Variants in IDH3B observed in about 807,000 individuals in gnomAD.
IDH3B encodes isocitrate dehydrogenase [NAD] subunit beta, mitochondrial.
IDH3B carries 40 observed loss-of-function variants against 47.5 expected under a neutral mutation model. The ratio of observed to expected loss-of-function variants is 0.84; its 90% CI spans 0.65 to 1.10. The LOEUF (loss-of-function observed/expected upper bound fraction) is 1.10. Ranked by LOEUF, IDH3B falls within the 50% of genes least tolerant of loss-of-function variation. IDH3B has a pLI of 0.00. For missense variants in IDH3B, 450 were observed against 505.2 expected, an observed-to-expected ratio of 0.89 and a Z score of 1.05; for synonymous variants, 185 against 191.0, an observed-to-expected ratio of 0.97 and a Z score of 0.26.
Position 2,664,167 on chromosome 20 carries a change from G to T in IDH3B, c.22C>A (p.Arg8Ser), listed in dbSNP as rs554271438. MAALSGV[R>S]WLTRALVSAG... ...CGGGGCCTCACTCGGGTCAGCCAGCGGACTCCGCTCAATGCCGCCATGTTT... is the reference window on the plus strand; with the variant it reads ...CGGGGCCTCACTCGGGTCAGCCAGCTGACTCCGCTCAATGCCGCCATGTTT... Residue 8 changes from arginine (R) to serine (S), a missense_variant, in exon 1 of 12, where the codon CGC becomes AGC. By Grantham distance (110) the Arg-to-Ser change is moderately radical. Coordinates refer to ENST00000380843, the MANE Select transcript of IDH3B (RefSeq NM_006899.5). 5 of 1,613,624 alleles carry T rather than the reference G, an allele frequency of 3.1e-6. No individual in the cohort carries two copies. The highest frequency in any genetic ancestry group is 1.1e-5 in the South Asian group (1 of 90,952).
Position 2,663,764 on chromosome 20 carries a change from T to A in IDH3B, c.118-6A>T, listed in dbSNP as rs532273295. ...TCCACCCTCACGTCCTCGGCCTCAA[T>A]TGGGGGAAGAGGGGAGAAGTAAAGA... is the stretch of plus-strand genomic sequence containing the variant. On this transcript the variant is annotated splice_polypyrimidine_tract_variant and splice_region_variant and intron_variant, in intron 2 of 11. Coordinates refer to ENST00000380843, the MANE Select transcript of IDH3B (RefSeq NM_006899.5). The A allele has an allele frequency of 6.2e-7, 1 of 1,613,424 alleles. No individual in the cohort carries two copies. The highest frequency in any genetic ancestry group is 1.7e-5 in the Admixed American group (1 of 59,986).
intron 4 of IDH3B, 67 bp from the exon 5 acceptor site, chr20:2,661,036 T>A: frequency 2.2e-6 from 3 of 1,339,366 alleles, no homozygotes; most frequent in Non-Finnish European, 2.1e-6. Flanking sequence ...CAGACCAGTG[T>A]CTAACCCCCT....
At chr20:2,662,746 A>G (rs537163496) in intron 4 of IDH3B, among the ~76,000 whole-genome samples, 1 of 152,278 alleles carries the variant, frequency 6.6e-6, no homozygotes, top group South Asian at 2.1e-4. Flanking sequence ...CAAGGTCAGG[A>G]GTTCGAGACC....
rs756148496 is a variant in IDH3B, at chr20:2,660,463, T to C, written c.659A>G (p.Asn220Ser). Residue 220 changes from asparagine to serine, a missense_variant, in exon 7 of 12, where the codon AAC (asparagine) becomes AGC (serine). Physicochemically the swap from Asn to Ser is conservative, Grantham distance 46. Coordinates refer to ENST00000380843, the MANE Select transcript of IDH3B (RefSeq NM_006899.5). The surrounding 1 kb of genome is among the most constrained non-coding windows in gnomAD (Gnocchi z 5.6). ...RGKVTAVHKANIMKLGDGLFL... is the reference protein window; with the variant it reads ...RGKVTAVHKASIMKLGDGLFL... ...ACAAAGCCATGCCCCTCACATGATG[T>C]TGGCCTTGTGGACAGCAGTGACCTT... The C allele has an allele frequency of 6.2e-7, 1 of 1,614,044 alleles. No individual in the cohort carries two copies. Among genetic ancestry groups the C allele is most frequent in the Non-Finnish European group, 8.5e-7 (1 of 1,180,000 alleles).
intron 4 of IDH3B, among the ~76,000 whole-genome samples, chr20:2,661,353 C>T (rs547667432): frequency 6.6e-6 from 1 of 152,214 alleles, no homozygotes; most frequent in East Asian, 1.9e-4. Flanking sequence ...TGTGCCACCA[C>T]ACCTGGCTAA....
rs1160631961 is a variant in IDH3B at position 2,659,587 on chromosome 20, T to C, written c.1011-2A>G. The C allele has an allele frequency of 6.2e-7, 1 of 1,614,188 alleles. No individual in the cohort carries two copies. Among genetic ancestry groups the C allele is most frequent in the Non-Finnish European group, 8.5e-7 (1 of 1,179,988 alleles). ...ATCATGCTGGAGTGATACTCAAGAC[T>C]GTGGATATGGACAGGAAGAAACTGT... is the stretch of plus-strand genomic sequence containing the variant. On this transcript the variant is annotated splice_acceptor_variant, in intron 10 of 11. Coordinates refer to ENST00000380843, the MANE Select transcript of IDH3B (RefSeq NM_006899.5). LOFTEE classifies it high-confidence loss of function.
At chr20:2,663,834 G>C in intron 2 of IDH3B, 76 bp from the exon 3 acceptor site, 1 of 1,591,602 alleles carries the variant, frequency 6.3e-7, no homozygotes, top group Non-Finnish European at 8.6e-7. Context: ...GAGAAGTAGG[G>C]AGACCCGGGA....
At position 2,658,646 on chromosome 20, in the gene IDH3B, G is replaced by A. The variant is rs1195703156; in HGVS notation, c.*105C>T. The A allele has an allele frequency of 1.9e-6, 3 of 1,613,914 alleles. No individual in the cohort carries two copies. Among genetic ancestry groups the A allele is most frequent in the Non-Finnish European group, 2.5e-6 (3 of 1,179,850 alleles). On this transcript the variant is annotated 3_prime_UTR_variant, in exon 12 of 12. Coordinates refer to ENST00000380843, the MANE Select transcript of IDH3B (RefSeq NM_006899.5). The stretch of plus-strand genomic sequence containing the variant: ...GACAACCTAGGCTCTACCCAGCAAG[G>A]TGACCATGGTCCACTGCTTAGAGGC...
Position 2,660,664 on chromosome 20 carries a change from A to T in IDH3B, c.531+33T>A, listed in dbSNP as rs2086929173. 6.2e-7 allele frequency: 1 copy of T among 1,613,982 alleles called. No homozygotes were observed. Among genetic ancestry groups the T allele is most frequent in the Non-Finnish European group, 8.5e-7 (1 of 1,179,978 alleles). On this transcript the variant is annotated intron_variant, in intron 6 of 11. Coordinates refer to ENST00000380843, the MANE Select transcript of IDH3B (RefSeq NM_006899.5). This position sits in a 1 kb window ranked among gnomAD's most constrained non-coding sequence, Gnocchi z 5.6. The stretch of plus-strand genomic sequence containing the variant: ...GGAGCTCCACCTCTCTCCCATCTTC[A>T]TCCTTGCCCTCCCCCAGTTTCTGGG...
rs1459443030 is a variant in IDH3B at position 2,660,900 on chromosome 20, A to G, written c.398+9T>C. The G allele has an allele frequency of 6.2e-7, 1 of 1,614,120 alleles. No individual in the cohort carries two copies. Among genetic ancestry groups the G allele is most frequent in the Admixed American group, 1.7e-5 (1 of 60,010 alleles). ...CCTCTCAACCATTCACCCCACCCAG[A>G]CCACCTACCTCAGCCGCATATCATA... is the stretch of plus-strand genomic sequence containing the variant. On this transcript the variant is annotated intron_variant, in intron 5 of 11. Coordinates refer to ENST00000380843, the MANE Select transcript of IDH3B (RefSeq NM_006899.5). This position sits in a 1 kb window ranked among gnomAD's most constrained non-coding sequence, Gnocchi z 5.6.
At position 2,660,612 on chromosome 20, in the gene IDH3B, G is replaced by A; in HGVS notation, c.532-22C>T. The A allele has an allele frequency of 6.2e-7, 1 of 1,614,110 alleles. No homozygotes were observed. The highest frequency in any genetic ancestry group is 8.5e-7 in the Non-Finnish European group (1 of 1,180,024). ...CACTCTGGGTAAGAAGAAAGCAGCAGCTAGGTGACACTGGGAAGGGAAACA... is the reference window on the plus strand; with the variant it reads ...CACTCTGGGTAAGAAGAAAGCAGCAACTAGGTGACACTGGGAAGGGAAACA... On this transcript the variant is annotated intron_variant, in intron 6 of 11. Coordinates refer to ENST00000380843, the MANE Select transcript of IDH3B (RefSeq NM_006899.5). The surrounding 1 kb of genome is among the most constrained non-coding windows in gnomAD (Gnocchi z 5.6).
intron 4 of IDH3B, among the ~76,000 whole-genome samples, chr20:2,662,972 C>T (rs1049783273): frequency 4.7e-5 from 7 of 150,446 alleles, no homozygotes; most frequent in Admixed American, 1.3e-4. Context: ...AAAACAAACA[C>T]AAAAATTAGC....
rs1378393982 is a variant in IDH3B, at chr20:2,660,491, C to G, written c.631G>C (p.Gly211Arg). The G allele has an allele frequency of 6.2e-7, 1 of 1,614,038 alleles. No homozygotes were observed. Among genetic ancestry groups the G allele is most frequent in the Non-Finnish European group, 8.5e-7 (1 of 1,180,014 alleles). The change falls in exon 7 of 12, where the codon GGC becomes CGC. Residue 211 changes from glycine (G) to arginine (R), a missense_variant. By Grantham distance (125) the Gly-to-Arg change is moderately radical. Coordinates refer to ENST00000380843, the MANE Select transcript of IDH3B (RefSeq NM_006899.5). The surrounding 1 kb of genome is among the most constrained non-coding windows in gnomAD (Gnocchi z 5.6). ...AFDYATKKGR[G>R]KVTAVHKANI... ...GCCTTGTGGACAGCAGTGACCTTGC[C>G]CCGCCCCTTCTTGGTGGCATAGTCA...
chr20:2,659,725 C>T lies in IDH3B; in HGVS notation c.984G>A (p.Ser328=), dbSNP rs746670238. The change falls in exon 10 of 12, where the codon TCG becomes TCA. Residue 328 remains serine, a synonymous_variant. Transcript: ENST00000380843. Reference sequence around the variant, plus strand: ...TAAGATGCCGCAGCATGTTGGAAGCCGACAGCAGCATGGCCGTGGGATTGG... The same window carrying T: ...TAAGATGCCGCAGCATGTTGGAAGCTGACAGCAGCATGGCCGTGGGATTGG... ...NIANPTAMLL[S]ASNMLRHLNL... 2.5e-5 allele frequency: 40 copies of T among 1,614,056 alleles called. No homozygotes were observed. Among genetic ancestry groups the T allele is most frequent in the Middle Eastern group, 1.6e-4 (1 of 6,084 alleles).
intron 11 of IDH3B, 39 bp downstream of exon 11, chr20:2,659,486 C>T: frequency 5.0e-6 from 8 of 1,605,486 alleles, no homozygotes; most frequent in Non-Finnish European, 6.8e-6. Context: ...ACCAGAACTA[C>T]TCTAAATCCT....
At chr20:2,662,967 A>C (rs934107146) in intron 4 of IDH3B, among the ~76,000 whole-genome samples, 17 of 150,906 alleles carry the variant, frequency 1.1e-4, no homozygotes, top group African/African-American at 3.9e-4. Flanking sequence ...AAAACAAAAC[A>C]AACACAAAAA....
intron 11 of IDH3B, 39 bp from the exon 12 acceptor site, chr20:2,658,876 A>G (rs1568546414): frequency 1.2e-6 from 2 of 1,613,524 alleles, no homozygotes; most frequent in Non-Finnish European, 8.5e-7. Context: ...GGAGGGAGAA[A>G]AGAGAGCCCA....
chr20:2,658,547 C>T lies in IDH3B; in HGVS notation c.*204G>A. 2 of 1,613,592 alleles carry T rather than the reference C, an allele frequency of 1.2e-6. No homozygotes were observed. The highest frequency in any genetic ancestry group is 1.7e-6 in the Non-Finnish European group (2 of 1,179,792). On this transcript the variant is annotated 3_prime_UTR_variant, in exon 12 of 12. Coordinates refer to ENST00000380843, the MANE Select transcript of IDH3B (RefSeq NM_006899.5). ...CCTGTGGGGGAGAATCATCATCATCCATGTGGCCTGGGCTCCATCCTAACA... is the reference window on the plus strand; with the variant it reads ...CCTGTGGGGGAGAATCATCATCATCTATGTGGCCTGGGCTCCATCCTAACA...
chr20:2,663,648 G>A lies in IDH3B; in HGVS notation c.216+12C>T, dbSNP rs777986948. 1.1e-5 allele frequency: 17 copies of A among 1,613,962 alleles called. No homozygotes were observed. Among genetic ancestry groups the A allele is most frequent in the South Asian group, 4.4e-5 (4 of 91,086 alleles). On this transcript the variant is annotated intron_variant, in intron 3 of 11. Transcript: ENST00000380843. ...TACTGTCCTCTACTGTCTGATCCCC[G>A]AGGCCACTCACCTTGAACACCTCCT...
Sources: gnomAD v4.1 joint callset for allele counts (sites outside exome capture counted in the v4.1 genomes callset) on GRCh38, gnomAD v4.1.1 for gene constraint, Gnocchi (gnomAD v3.1) non-coding constraint, MANE v1.5 for transcripts, NCBI Gene and HGNC (gene_info 2026-07-23, HGNC 2026-07-21) for gene names.